PCSK9: variants seen among roughly 807,000 people sequenced by gnomAD.
PCSK9 encodes the protein proprotein convertase subtilisin/kexin type 9, also known as convertase subtilisin/kexin type 9 preproprotein.
Under a neutral mutation model 62.1 loss-of-function variants are expected in PCSK9, and 57 were observed. That is an observed-to-expected ratio of 0.92 (90% confidence interval 0.74 to 1.14). PCSK9 has a LOEUF of 1.14. Ranked by LOEUF, PCSK9 falls within the 50% of genes most tolerant of loss-of-function variation. PCSK9 has a pLI of 0.00. For synonymous variants in PCSK9, 387 were observed against 409.4 expected, an observed-to-expected ratio of 0.95 and a Z score of 0.66; for missense variants, 870 against 959.8, an observed-to-expected ratio of 0.91 and a Z score of 1.24.
Position 55,040,095 on chromosome 1 carries a change from C to T in PCSK9, c.207+51C>T, listed in dbSNP as rs1230323451. The T allele has an allele frequency of 1.3e-6, 2 of 1,538,368 alleles. No homozygotes were observed. Among genetic ancestry groups the T allele is most frequent in the African/African-American group, 1.4e-5 (1 of 72,934 alleles). On this transcript the variant is annotated intron_variant, in intron 1 of 11. Transcript: ENST00000302118. The surrounding 1 kb of genome is among the most constrained non-coding windows in gnomAD (Gnocchi z 4.1). Reference sequence around the variant, plus strand: ...GGGCGAACCCGCAGCCGGGACGGTGCGGTGCTGTTTCCTCTCGGGCCTCAG... The same window carrying T: ...GGGCGAACCCGCAGCCGGGACGGTGTGGTGCTGTTTCCTCTCGGGCCTCAG...
rs375892354 is a variant in PCSK9 at position 55,052,381 on chromosome 1, C to A, written c.627C>A (p.Pro209=). 6.2e-7 allele frequency: 1 copy of A among 1,613,824 alleles called. No individual in the cohort carries two copies. Among genetic ancestry groups the A allele is most frequent in the Non-Finnish European group, 8.5e-7 (1 of 1,180,008 alleles). ...TGGTCACCGACTTCGAGAATGTGCC[C>A]GAGGAGGACGGGACCCGCTTCCACA... ...RVMVTDFENV[P]EEDGTRFHRQ... The change falls in exon 4 of 12, where the codon CCC becomes CCA. Residue 209 remains proline (P), a synonymous_variant. Transcript: ENST00000302118.
rs189679060 is a variant in PCSK9 at position 55,054,864 on chromosome 1, G to C, written c.800-1129G>C. On this transcript the variant is annotated intron_variant, in intron 5 of 11. Transcript: ENST00000302118. ...ACTAAAACTACAAAAAATTAGCCGG[G>C]CGTGGTGGCAGGCGCCTGTAGTCCC... 6.1e-3 allele frequency among the ~76,000 whole-genome samples: 925 copies of C among 152,308 alleles called. 10 individuals are homozygous for C. Among genetic ancestry groups the C allele is most frequent in the African/African-American group, 0.021 (891 of 41,560 alleles).
chr1:55,044,057 G>T, intron 2 of PCSK9, 23 bp downstream of exon 2: 1 of 1,613,362 alleles, frequency 6.2e-7, no homozygotes, highest in South Asian at 1.1e-5. Context: ...TTTTGGGAAT[G>T]GCACTTCCTG....
chr1:55,039,625 G>A lies in PCSK9; in HGVS notation c.-213G>A. The A allele has an allele frequency of 1.6e-6, 1 of 625,020 alleles. No individual in the cohort carries two copies. Among genetic ancestry groups the A allele is most frequent in the South Asian group, 2.0e-5 (1 of 51,198 alleles). 38.7% of individuals were successfully genotyped at this position (625,020 alleles called of 1,614,324 possible). ...GTCTGAGCCTGGAGGAGTGAGCCAGGCAGTGAGACTGGCTCGGGCGGGCCG... is the reference window on the plus strand; with the variant it reads ...GTCTGAGCCTGGAGGAGTGAGCCAGACAGTGAGACTGGCTCGGGCGGGCCG... On this transcript the variant is annotated 5_prime_UTR_variant, in exon 1 of 12. Transcript: ENST00000302118.
chr1:55,060,126 A>G (rs1046833589), intron 10 of PCSK9, among the ~76,000 whole-genome samples: 4 of 152,278 alleles, frequency 2.6e-5, no homozygotes, highest in Non-Finnish European at 5.9e-5. Context: ...CACTTAGCTT[A>G]GTGCCGGGAC....
intron 11 of PCSK9, 113 bp downstream of exon 11, chr1:55,061,669 C>T: frequency 7.4e-7 from 1 of 1,344,182 alleles, no homozygotes; most frequent in Admixed American, 2.0e-5. Flanking sequence ...TGGCGGTTTG[C>T]CAGGTAGATG....
chr1:55,058,176 G>A lies in PCSK9; in HGVS notation c.1321G>A (p.Val441Met). ...EDQRVLTPNLVAALPPSTHGA... is the reference protein window; with the variant it reads ...EDQRVLTPNLMAALPPSTHGA... ...CCAGCGGGTACTGACCCCCAACCTG[G>A]TGGCCGCCCTGCCCCCCAGCACCCA... Residue 441 changes from valine (V) to methionine (M), a missense_variant, in exon 8 of 12, where the codon GTG becomes ATG. Val to Met is a conservative substitution (Grantham distance 21). Transcript: ENST00000302118. The A allele has an allele frequency of 6.2e-7, 1 of 1,613,424 alleles. No individual in the cohort carries two copies. Among genetic ancestry groups the A allele is most frequent in the Non-Finnish European group, 8.5e-7 (1 of 1,180,004 alleles).
chr1:55,042,702 T>G (rs1054222852), intron 1 of PCSK9, among the ~76,000 whole-genome samples: 1 of 152,234 alleles, frequency 6.6e-6, no homozygotes, highest in African/African-American at 2.4e-5. Context: ...TAAGCAGGTA[T>G]GTCTGCCTGA....
intron 10 of PCSK9, among the ~76,000 whole-genome samples, chr1:55,060,060 G>A (rs1311154322): frequency 6.6e-6 from 1 of 152,248 alleles, no homozygotes; most frequent in Non-Finnish European, 1.5e-5. Context: ...CTCTATAGCT[G>A]TGTGACTTGG....
intron 5 of PCSK9, among the ~76,000 whole-genome samples, chr1:55,053,886 C>G (rs28385711): frequency 3.9e-5 from 6 of 152,318 alleles, no homozygotes; most frequent in Admixed American, 6.5e-5. Flanking sequence ...GCCTGGTGCT[C>G]TGGCCTCTGG....
intron 6 of PCSK9, among the ~76,000 whole-genome samples, chr1:55,056,445 C>T (rs1304054376): frequency 6.6e-6 from 1 of 152,114 alleles, no homozygotes; most frequent in Non-Finnish European, 1.5e-5. Context: ...CACGTAGCGG[C>T]GCCTACGTAG....
intron 1 of PCSK9, among the ~76,000 whole-genome samples, chr1:55,041,744 C>G (rs894089248): frequency 5.9e-5 from 9 of 152,178 alleles, no homozygotes; most frequent in African/African-American, 1.9e-4. Context: ...CCAGAACTGA[C>G]ACTCCACTGC....
Position 55,039,745 on chromosome 1 carries a change from C to A in PCSK9, c.-93C>A, listed in dbSNP as rs1644583048. ...TCCTGAACTTCAGCTCCTGCACAGT[C>A]CTCCCCACCGCAAGGCTCAAGGCGC... On this transcript the variant is annotated 5_prime_UTR_variant, in exon 1 of 12. Transcript: ENST00000302118. 1.4e-6 allele frequency: 2 copies of A among 1,429,984 alleles called. No individual in the cohort carries two copies. The highest frequency in any genetic ancestry group is 1.9e-6 in the Non-Finnish European group (2 of 1,037,972). 88.6% of individuals were successfully genotyped at this position (1,429,984 alleles called of 1,614,324 possible).
At chr1:55,056,432 G>A (rs916166986) in intron 6 of PCSK9, among the ~76,000 whole-genome samples, 6 of 152,096 alleles carry the variant, frequency 3.9e-5, no homozygotes, top group African/African-American at 1.4e-4. Flanking sequence ...CCCGCCATGC[G>A]CCCACGTAGC....
intron 8 of PCSK9, 35 bp downstream of exon 8, chr1:55,058,244 G>T (rs762456550): frequency 1.2e-6 from 2 of 1,603,400 alleles, no homozygotes; most frequent in Non-Finnish European, 8.5e-7. Context: ...AGTCCAGGCT[G>T]GGGCTTGGGA....
chr1:55,057,605 T>G, intron 7 of PCSK9, 91 bp downstream of exon 7: 3 of 1,438,056 alleles, frequency 2.1e-6, no homozygotes, highest in Admixed American at 2.0e-5. Context: ...TGCCAGGCTC[T>G]GTGCAGGGGG....
rs1039803103 is a variant in PCSK9 at position 55,059,564 on chromosome 1, C to T, written c.1582C>T (p.Leu528=). 1 of 1,556,532 alleles carries T rather than the reference C, an allele frequency of 6.4e-7. No homozygotes were observed. Among genetic ancestry groups the T allele is most frequent in the African/African-American group, 1.4e-5 (1 of 73,700 alleles). The change falls in exon 10 of 12, where the codon CTG becomes TTG. Residue 528 remains leucine, a synonymous_variant. Transcript: ENST00000302118. The part of the protein sequence containing the change: ...EGVYAIARCC[L]LPQANCSVHT... ...TGTCTACGCCATTGCCAGGTGCTGC[C>T]TGCTACCCCAGGCCAACTGCAGCGT... is the stretch of plus-strand genomic sequence containing the variant.
At chr1:55,050,086 T>C (rs1644662341) in intron 3 of PCSK9, among the ~76,000 whole-genome samples, 1 of 152,262 alleles carries the variant, frequency 6.6e-6, no homozygotes, top group Admixed American at 6.5e-5. Context: ...AAGCAGCCTC[T>C]GTGCTGTCTT....
intron 1 of PCSK9, among the ~76,000 whole-genome samples, chr1:55,042,706 T>C (rs1020175242): frequency 4.6e-5 from 7 of 152,224 alleles, no homozygotes; most frequent in African/African-American, 1.7e-4. Context: ...CAGGTATGTC[T>C]GCCTGAGAGC....
Sources: allele counts gnomAD v4.1 joint callset (sites outside exome capture counted in the v4.1 genomes callset), GRCh38; gene constraint gnomAD v4.1.1; non-coding constraint Gnocchi (gnomAD v3.1); transcripts MANE v1.5; gene names NCBI Gene and HGNC (gene_info 2026-07-23, HGNC 2026-07-21).